The following FOLH1 variants were observed in gnomAD, a reference collection of about 807,000 sequenced individuals.
FOLH1 encodes glutamate carboxypeptidase 2.
A neutral mutation model predicts 93.9 loss-of-function variants in FOLH1; 54 were observed. The observed-to-expected ratio is 0.57, with a 90% confidence interval of 0.46 to 0.72. The LOEUF (loss-of-function observed/expected upper bound fraction) is 0.72, where lower values mean the gene tolerates loss of function less well. Ranked by LOEUF, FOLH1 falls within the 30% of genes least tolerant of loss-of-function variation. FOLH1 has a pLI of 0.00. For synonymous variants in FOLH1, 249 were observed against 303.6 expected, an observed-to-expected ratio of 0.82 and a Z score of 1.87; for missense variants, 571 against 892.5, an observed-to-expected ratio of 0.64 and a Z score of 4.59.
rs745384542 is a variant in FOLH1 at position 49,173,375 on chromosome 11, C to G, written c.1207G>C (p.Gly403Arg). 1 of 1,609,778 alleles carries G rather than the reference C, an allele frequency of 6.2e-7. No individual in the cohort carries two copies. Among genetic ancestry groups the G allele is most frequent in the Admixed American group, 1.7e-5 (1 of 59,798 alleles). ...GTATTACCTTCCTTTTTCAGTGTTC[C>G]AAAGCTCCTCACAATTTCATGAACA... ...AVVHEIVRSF[G>R]TLKKEGWRPR... Residue 403 changes from glycine to arginine, a missense_variant, in exon 10 of 19, where the codon GGA becomes CGA. Physicochemically the swap from Gly to Arg is moderately radical, Grantham distance 125. Transcript: ENST00000256999.
intron 7 of FOLH1, among the ~76,000 whole-genome samples, chr11:49,182,359 G>A (rs1280855170): frequency 3.6e-5 from 5 of 140,396 alleles, no homozygotes; most frequent in African/African-American, 1.3e-4. Context: ...AAAGGACATG[G>A]CAATGGGAGA....
chr11:49,155,555 AT>A, intron 15 of FOLH1: 2 of 239,176 alleles, frequency 8.4e-6, no homozygotes, highest in Non-Finnish European at 1.7e-5. Flanking sequence ...TGTGAGAATG[AT>A]TTTTCTTTAT....
At chr11:49,205,680 T>C (rs936542476) in intron 2 of FOLH1, among the ~76,000 whole-genome samples, 28 of 152,372 alleles carry the variant, frequency 1.8e-4, no homozygotes, top group African/African-American at 5.8e-4. Context: ...TAAATTGGTT[T>C]TAAAAATAAT....
Position 49,208,438 on chromosome 11 carries a change from G to A in FOLH1, c.-29C>T. ...GGCGCGAGCAGAGCCGGCCTCCCGG[G>A]ACCCGCGCCTGTGCTGCTGCTCTAC... is the stretch of plus-strand genomic sequence containing the variant. On this transcript the variant is annotated 5_prime_UTR_variant, in exon 1 of 19. Transcript: ENST00000256999. 2 of 1,521,176 alleles carry A rather than the reference G, an allele frequency of 1.3e-6. No homozygotes were observed. Among genetic ancestry groups the A allele is most frequent in the Non-Finnish European group, 1.8e-6 (2 of 1,112,848 alleles). The allele number at this position is 1,521,176 out of a possible 1,614,324, so 94.2% of individuals were successfully genotyped here. A position where few individuals can be genotyped will look rare whatever the true frequency, so the allele number is the denominator to read the frequency against.
At chr11:49,175,329 T>C (rs1859875719) in intron 8 of FOLH1, among the ~76,000 whole-genome samples, 1 of 151,962 alleles carries the variant, frequency 6.6e-6, no homozygotes, top group South Asian at 2.1e-4. Flanking sequence ...TAATTCTCTT[T>C]GGAACTTGAA....
intron 13 of FOLH1, among the ~76,000 whole-genome samples, chr11:49,160,099 C>G (rs1380694935): frequency 6.6e-6 from 1 of 151,446 alleles, no homozygotes; most frequent in East Asian, 2.0e-4. Context: ...CTTCTAGATT[C>G]TTTAGTTTAT....
At chr11:49,178,553 A>G (rs1322753708) in intron 7 of FOLH1, among the ~76,000 whole-genome samples, 2 of 152,216 alleles carry the variant, frequency 1.3e-5, no homozygotes, top group Admixed American at 6.5e-5. Context: ...TAATATACCA[A>G]TGAAAAAAAT....
chr11:49,181,400 G>A (rs765057930), intron 7 of FOLH1, among the ~76,000 whole-genome samples: 28 of 151,826 alleles, frequency 1.8e-4, no homozygotes, highest in Non-Finnish European at 4.4e-5. Context: ...GTGAGCCACC[G>A]CGCCCAGCCC....
At chr11:49,174,335 T>A (rs1297792436) in intron 9 of FOLH1, among the ~76,000 whole-genome samples, 3 of 152,154 alleles carry the variant, frequency 2.0e-5, no homozygotes, top group African/African-American at 7.2e-5. Context: ...ACAAAATAGT[T>A]CATAAGAAAC....
At chr11:49,195,742 T>C (rs748619027) in intron 3 of FOLH1, among the ~76,000 whole-genome samples, 1 of 152,078 alleles carries the variant, frequency 6.6e-6, no homozygotes, top group Non-Finnish European at 1.5e-5. Flanking sequence ...CTACAGACGC[T>C]GAACAGATTA....
At chr11:49,199,207 C>T (rs538448673) in intron 3 of FOLH1, among the ~76,000 whole-genome samples, 1 of 152,190 alleles carries the variant, frequency 6.6e-6, no homozygotes, top group South Asian at 2.1e-4. Flanking sequence ...AATAAAAGGA[C>T]TAAAGGAACT....
intron 9 of FOLH1, among the ~76,000 whole-genome samples, chr11:49,173,681 A>T (rs1859650746): frequency 6.6e-6 from 1 of 152,170 alleles, no homozygotes; most frequent in Non-Finnish European, 1.5e-5. Context: ...GATAAAGCAA[A>T]TATATATTTC....
At chr11:49,152,793 CA>C (rs1282828522) in intron 17 of FOLH1, among the ~76,000 whole-genome samples, 1 of 152,098 alleles carries the variant, frequency 6.6e-6, no homozygotes. Context: ...CTGATTGCAT[CA>C]TTTCCCCATT....
intron 14 of FOLH1, among the ~76,000 whole-genome samples, chr11:49,157,242 C>T (rs1394907794): frequency 2.0e-5 from 3 of 151,806 alleles, no homozygotes. Flanking sequence ...TGTGAAGATA[C>T]AACCAATGTT....
chr11:49,176,036 T>C, intron 7 of FOLH1, 79 bp from the exon 8 acceptor site: 1 of 1,256,690 alleles, frequency 8.0e-7, no homozygotes, highest in South Asian at 1.2e-5. Flanking sequence ...ATTCACTTTA[T>C]TGAGCATCTG....
intron 13 of FOLH1, among the ~76,000 whole-genome samples, chr11:49,158,844 T>C (rs1857313083): frequency 6.6e-6 from 1 of 152,210 alleles, no homozygotes; most frequent in Non-Finnish European, 1.5e-5. Flanking sequence ...TAGAGATCTT[T>C]CACCTCCTGA....
chr11:49,196,188 A>G (rs1862598381), intron 3 of FOLH1, among the ~76,000 whole-genome samples: 2 of 152,188 alleles, frequency 1.3e-5, no homozygotes, highest in Non-Finnish European at 2.9e-5. Context: ...TAGCCATATA[A>G]CAATAAAGTC....
At chr11:49,199,955 C>T (rs1565213380) in intron 3 of FOLH1, among the ~76,000 whole-genome samples, 1 of 151,824 alleles carries the variant, frequency 6.6e-6, no homozygotes, top group Non-Finnish European at 1.5e-5. Context: ...TAAAGTATCT[C>T]TTTTTATGCT....
chr11:49,182,712 A>G (rs546579957), intron 7 of FOLH1, among the ~76,000 whole-genome samples: 2 of 152,370 alleles, frequency 1.3e-5, no homozygotes, highest in Non-Finnish European at 2.9e-5. Context: ...TGTTGGGTGC[A>G]GCATCTATTT....
Sources: gnomAD v4.1 joint callset for allele counts (sites outside exome capture counted in the v4.1 genomes callset) on GRCh38, gnomAD v4.1.1 for gene constraint, MANE v1.5 for transcripts, NCBI Gene and HGNC (gene_info 2026-07-23, HGNC 2026-07-21) for gene names.